GRIA4: variants seen among roughly 807,000 people sequenced by gnomAD.
GRIA4 encodes glutamate ionotropic receptor AMPA type subunit 4.
A neutral mutation model predicts 104.0 loss-of-function variants in GRIA4; 34 were observed. The ratio of observed to expected loss-of-function variants is 0.33; its 90% CI spans 0.25 to 0.44. GRIA4 has a LOEUF of 0.44. Among genes scored for constraint, GRIA4 ranks in the 20% least tolerant of loss-of-function variants. GRIA4 has a pLI of 1.00. For synonymous variants in GRIA4, 386 were observed against 381.9 expected, an observed-to-expected ratio of 1.01 and a Z score of -0.13; for missense variants, 750 against 1,096.5, an observed-to-expected ratio of 0.68 and a Z score of 4.46.
At chr11:105,612,593 A>C in intron 3 of GRIA4, 159 bp downstream of exon 3, 1 of 516,944 alleles carries the variant, frequency 1.9e-6, no homozygotes, top group South Asian at 3.3e-5. Flanking sequence ...ACTTCGTTTC[A>C]GGGATATTTA....
intron 3 of GRIA4, among the ~76,000 whole-genome samples, chr11:105,733,720 T>C (rs1250948553): frequency 5.3e-5 from 8 of 152,028 alleles, no homozygotes; most frequent in Non-Finnish European, 1.0e-4. Flanking sequence ...CCTCCCAGTG[T>C]TGGGATTACA....
intron 4 of GRIA4, among the ~76,000 whole-genome samples, chr11:105,856,457 C>T (rs1354922249): frequency 6.6e-6 from 1 of 152,014 alleles, no homozygotes; most frequent in Non-Finnish European, 1.5e-5. Context: ...TGAATGTGAC[C>T]TGCTATGCAA....
chr11:105,661,143 A>G (rs944056605), intron 3 of GRIA4, among the ~76,000 whole-genome samples: 36 of 151,684 alleles, frequency 2.4e-4, no homozygotes, highest in African/African-American at 8.2e-4. Flanking sequence ...ATATTACTTA[A>G]TGATACATAG....
At chr11:105,680,800 C>A (rs1351484230) in intron 3 of GRIA4, among the ~76,000 whole-genome samples, 1 of 152,100 alleles carries the variant, frequency 6.6e-6, no homozygotes, top group Non-Finnish European at 1.5e-5. Flanking sequence ...TGATTTCTAT[C>A]ACCTTGTCCT....
At chr11:105,623,390 G>A (rs1325711981) in intron 3 of GRIA4, among the ~76,000 whole-genome samples, 1 of 151,756 alleles carries the variant, frequency 6.6e-6, no homozygotes, top group Non-Finnish European at 1.5e-5. Flanking sequence ...TTTGAGCCGG[G>A]GGTACCCTTC....
At chr11:105,676,734 A>G (rs1952550430) in intron 3 of GRIA4, among the ~76,000 whole-genome samples, 1 of 151,816 alleles carries the variant, frequency 6.6e-6, no homozygotes, top group African/African-American at 2.4e-5. Flanking sequence ...AAAGTTCAAT[A>G]GAATGAATTC....
chr11:105,849,320 C>G (rs1944713399), intron 4 of GRIA4, among the ~76,000 whole-genome samples: 1 of 152,192 alleles, frequency 6.6e-6, no homozygotes, highest in Non-Finnish European at 1.5e-5. Flanking sequence ...TGGTCAGCCT[C>G]TTCTAATACC....
chr11:105,797,080 A>G (rs1281539360), intron 4 of GRIA4, among the ~76,000 whole-genome samples: 5 of 152,004 alleles, frequency 3.3e-5, no homozygotes, highest in Non-Finnish European at 7.4e-5. Flanking sequence ...ATGGTGGTGC[A>G]TGCTTATAGT....
At chr11:105,931,603 G>T (rs1372166762) in intron 13 of GRIA4, among the ~76,000 whole-genome samples, 1 of 151,966 alleles carries the variant, frequency 6.6e-6, no homozygotes, top group Non-Finnish European at 1.5e-5. Flanking sequence ...TACTCAGGAG[G>T]CTAAGACAGG....
At chr11:105,657,371 A>T (rs186526482) in intron 3 of GRIA4, among the ~76,000 whole-genome samples, 30 of 152,136 alleles carry the variant, frequency 2.0e-4, no homozygotes, top group Middle Eastern at 3.4e-3. Flanking sequence ...AAACCTACTG[A>T]AATAAAAAAT....
chr11:105,662,634 C>T (rs556363488), intron 3 of GRIA4, among the ~76,000 whole-genome samples: 1 of 152,010 alleles, frequency 6.6e-6, no homozygotes, highest in East Asian at 1.9e-4. Context: ...TACTTCTTTA[C>T]TCATTCTTTA....
chr11:105,931,265 TACACACACACACAC>T (rs373334457), intron 13 of GRIA4, among the ~76,000 whole-genome samples: 13 of 143,688 alleles, frequency 9.0e-5, no homozygotes, highest in African/African-American at 2.5e-4. Flanking sequence ...ATTGCCTAAA[TACACACACACACAC>T]ACACACACAC....
At chr11:105,818,743 A>G (rs1943471457) in intron 4 of GRIA4, among the ~76,000 whole-genome samples, 1 of 152,170 alleles carries the variant, frequency 6.6e-6, no homozygotes, top group Admixed American at 6.6e-5. Flanking sequence ...GGAATAGGAC[A>G]GAAAAGGCAG....
At chr11:105,898,518 C>A in intron 7 of GRIA4, 91 bp downstream of exon 7, 1 of 797,108 alleles carries the variant, frequency 1.3e-6, no homozygotes, top group Non-Finnish European at 2.1e-6. Flanking sequence ...AACATTTTGC[C>A]AAACATAGTA....
chr11:105,777,067 A>C (rs913198031), intron 4 of GRIA4, among the ~76,000 whole-genome samples: 1 of 152,134 alleles, frequency 6.6e-6, no homozygotes, highest in East Asian at 1.9e-4. Flanking sequence ...AAACACACAC[A>C]CACTCATGCA....
rs80160790 is a variant in GRIA4 at position 105,610,311 on chromosome 11, C to T, written c.-208C>T. The T allele has an allele frequency of 0.031, 4,790 of 152,552 alleles. 149 individuals are homozygous for T. The highest frequency in any genetic ancestry group is 0.074 in the African/African-American group (3,064 of 41,560). The allele number at this position is 152,552 out of a possible 1,614,324, so 9.4% of individuals were successfully genotyped here. A position where few individuals can be genotyped will look rare whatever the true frequency, so the allele number is the denominator to read the frequency against. Reference sequence around the variant, plus strand: ...GAGAGGGGCGCTGGGGGTGCCCATCCCCAGAGTCGGTCCCTCTGCGAACCG... The same window carrying T: ...GAGAGGGGCGCTGGGGGTGCCCATCTCCAGAGTCGGTCCCTCTGCGAACCG... On this transcript the variant is annotated 5_prime_UTR_variant, in exon 1 of 17. Transcript: ENST00000282499.
At chr11:105,682,095 C>T (rs567789070) in intron 3 of GRIA4, among the ~76,000 whole-genome samples, 1 of 152,222 alleles carries the variant, frequency 6.6e-6, no homozygotes. Flanking sequence ...TCTTGTTTGG[C>T]TACTAGAAAA....
intron 3 of GRIA4, among the ~76,000 whole-genome samples, chr11:105,692,724 G>A (rs1449859206): frequency 1.3e-5 from 2 of 152,162 alleles, no homozygotes; most frequent in Admixed American, 1.3e-4. Context: ...TGCGTGAATC[G>A]CAATCAGGCA....
chr11:105,849,883 A>G (rs916377692), intron 4 of GRIA4, among the ~76,000 whole-genome samples: 1 of 152,226 alleles, frequency 6.6e-6, no homozygotes, highest in Non-Finnish European at 1.5e-5. Context: ...CAAATTTATT[A>G]AAAGGATTTG....
Sources: gnomAD v4.1 joint callset for allele counts (sites outside exome capture counted in the v4.1 genomes callset) on GRCh38, gnomAD v4.1.1 for gene constraint, MANE v1.5 for transcripts, NCBI Gene and HGNC (gene_info 2026-07-23, HGNC 2026-07-21) for gene names.